Variants in ATF1 observed in about 807,000 individuals in gnomAD.
ATF1 encodes the protein cyclic AMP-dependent transcription factor ATF-1.
In ATF1, 16 loss-of-function variants were observed where a neutral mutation model predicts 34.7. The ratio of observed to expected loss-of-function variants is 0.46; its 90% CI spans 0.31 to 0.70. The LOEUF is 0.70. Ranked by LOEUF, ATF1 falls within the 30% of genes least tolerant of loss-of-function variation. The pLI, the probability that ATF1 is intolerant of heterozygous loss-of-function variation, is 0.05. For synonymous variants in ATF1, 105 were observed against 113.1 expected, an observed-to-expected ratio of 0.93 and a Z score of 0.46; for missense variants, 255 against 321.6, an observed-to-expected ratio of 0.79 and a Z score of 1.58.
chr12:50,794,103 A>G (rs1260126829), intron 2 of ATF1, among the ~76,000 whole-genome samples: 1 of 151,502 alleles, frequency 6.6e-6, no homozygotes, highest in Admixed American at 6.6e-5. Context: ...GGCGCCTACC[A>G]CCAGGCCCGG....
intron 2 of ATF1, among the ~76,000 whole-genome samples, chr12:50,787,552 G>C (rs1460649211): frequency 2.6e-5 from 4 of 151,882 alleles, no homozygotes; most frequent in Admixed American, 2.6e-4. Context: ...GGGCAACATG[G>C]CAAGCCTCCA....
chr12:50,776,943 A>G (rs976021360), intron 1 of ATF1, among the ~76,000 whole-genome samples: 2 of 152,070 alleles, frequency 1.3e-5, no homozygotes, highest in Non-Finnish European at 2.9e-5. Flanking sequence ...GTTTACTGCA[A>G]CCTCTGCCTC....
At chr12:50,798,127 T>A (rs1201645967) in intron 3 of ATF1, among the ~76,000 whole-genome samples, 2 of 151,206 alleles carry the variant, frequency 1.3e-5, no homozygotes, top group East Asian at 4.0e-4. Context: ...CCAGCCTGGG[T>A]GACAGAGTGA....
intron 2 of ATF1, among the ~76,000 whole-genome samples, chr12:50,781,219 CCTG>C (rs1436595420): frequency 3.9e-5 from 6 of 152,078 alleles, no homozygotes; most frequent in African/African-American, 1.4e-4. Context: ...TACATATTTT[CCTG>C]TATACTTTAA....
chr12:50,802,149 C>T (rs1487310190), intron 3 of ATF1, among the ~76,000 whole-genome samples: 2 of 152,138 alleles, frequency 1.3e-5, no homozygotes, highest in African/African-American at 2.4e-5. Context: ...ATTCTATTTA[C>T]AATAACAAAG....
intron 2 of ATF1, among the ~76,000 whole-genome samples, chr12:50,791,329 G>A (rs1941296616): frequency 6.6e-6 from 1 of 152,208 alleles, no homozygotes; most frequent in Non-Finnish European, 1.5e-5. Context: ...GCGGAGGTGG[G>A]CGGATCACCT....
chr12:50,771,476 C>T (rs1940768194), intron 1 of ATF1, among the ~76,000 whole-genome samples: 2 of 151,998 alleles, frequency 1.3e-5, no homozygotes, highest in Non-Finnish European at 2.9e-5. Context: ...TCCTTTTTAC[C>T]CTGAATGCAA....
chr12:50,763,990 G>C (rs1299841736), upstream of ATF1: 1 of 152,396 alleles, frequency 6.6e-6, no homozygotes, highest in Non-Finnish European at 1.5e-5. Context: ...ACGGCGGCCC[G>C]CGCGGAGGCA....
chr12:50,798,551 T>G (rs996235339), intron 3 of ATF1, among the ~76,000 whole-genome samples: 6 of 152,104 alleles, frequency 3.9e-5, no homozygotes, highest in African/African-American at 1.4e-4. Context: ...CCTCGTGATC[T>G]GCCCACCTTG....
chr12:50,782,687 CTTTTT>C (rs71086480), intron 2 of ATF1, among the ~76,000 whole-genome samples: 2 of 102,528 alleles, frequency 2.0e-5, no homozygotes, highest in East Asian at 5.4e-4. Flanking sequence ...TGTGGCCAGC[CTTTTT>C]TTTTTTTTTT....
chr12:50,789,455 G>C (rs908436457), intron 2 of ATF1, among the ~76,000 whole-genome samples: 1 of 152,100 alleles, frequency 6.6e-6, no homozygotes, highest in Non-Finnish European at 1.5e-5. Flanking sequence ...AAGTGAACCA[G>C]TGGACAGAGA....
chr12:50,765,980 CATA>C (rs769368687), intron 1 of ATF1, among the ~76,000 whole-genome samples: 2 of 152,306 alleles, frequency 1.3e-5, no homozygotes, highest in Admixed American at 6.5e-5. Flanking sequence ...TTACTTTCTT[CATA>C]ATGTTACTTT....
rs1941941611 is a variant in ATF1 at position 50,821,148 on chromosome 12, G to A, written c.*1369G>A. ...TACTGAATGTAAAATATAATGCTTGGTATATGAATGATAAGCTTGCTCCTG... is the reference window on the plus strand; with the variant it reads ...TACTGAATGTAAAATATAATGCTTGATATATGAATGATAAGCTTGCTCCTG... On this transcript the variant is annotated 3_prime_UTR_variant, in exon 7 of 7. Coordinates refer to ENST00000262053, the MANE Select transcript of ATF1 (RefSeq NM_005171.5). The A allele has an allele frequency of 5.7e-6, 1 of 174,452 alleles. No individual in the cohort carries two copies. Among genetic ancestry groups the A allele is most frequent in the Admixed American group, 6.4e-5 (1 of 15,744 alleles). 10.8% of individuals were successfully genotyped at this position (174,452 alleles called of 1,614,324 possible).
At chr12:50,814,230 C>G (rs1941795580) in intron 5 of ATF1, 38 bp downstream of exon 5, 1 of 1,613,210 alleles carries the variant, frequency 6.2e-7, no homozygotes, top group African/African-American at 1.3e-5. Flanking sequence ...TCTCCTAACA[C>G]TGTCAGAGAC....
upstream of ATF1, among the ~76,000 whole-genome samples, chr12:50,763,559 G>T (rs1940541993): frequency 7.0e-6 from 1 of 143,858 alleles, no homozygotes; most frequent in African/African-American, 2.6e-5. Flanking sequence ...AGGCTGCAGT[G>T]AGTCGAGATC....
intron 3 of ATF1, among the ~76,000 whole-genome samples, chr12:50,804,693 C>T (rs538154842): frequency 6.6e-6 from 1 of 152,214 alleles, no homozygotes; most frequent in Non-Finnish European, 1.5e-5. Flanking sequence ...AACAGGTCCA[C>T]AGTTGCAGTT....
rs1408202784 is a variant in ATF1, at chr12:50,780,213, C to A, written c.68C>A (p.Ala23Asp). 1 of 1,613,210 alleles carries A rather than the reference C, an allele frequency of 6.2e-7. No individual in the cohort carries two copies. Among genetic ancestry groups the A allele is most frequent in the Non-Finnish European group, 8.5e-7 (1 of 1,179,352 alleles). ...APQPGSAVQGAHISHIAQQVS... is the reference protein window; with the variant it reads ...APQPGSAVQGDHISHIAQQVS... Reference sequence around the variant, plus strand: ...CAACCTGGTTCAGCAGTTCAGGGAGCTCACATTTCTCATATTGCTCAACAG... The same window carrying A: ...CAACCTGGTTCAGCAGTTCAGGGAGATCACATTTCTCATATTGCTCAACAG... The change falls in exon 2 of 7, where the codon GCT (alanine) becomes GAT (aspartate). Residue 23 changes from alanine (A) to aspartate (D), a missense_variant. Ala to Asp is a moderately radical substitution (Grantham distance 126). Around this residue, in one of 2 missense-constraint regions of ATF1, gnomAD observed 221 missense variants for 250.7 expected, o/e 0.88. Coordinates refer to ENST00000262053, the MANE Select transcript of ATF1 (RefSeq NM_005171.5).
chr12:50,764,520 G>A (rs1460699111), intron 1 of ATF1: 3 of 152,240 alleles, frequency 2.0e-5, no homozygotes, highest in African/African-American at 7.2e-5. Context: ...CCTTCCAGTC[G>A]TGCGTCTCCT....
At chr12:50,770,840 G>A (rs925176712) in intron 1 of ATF1, among the ~76,000 whole-genome samples, 4 of 152,306 alleles carry the variant, frequency 2.6e-5, no homozygotes, top group African/African-American at 4.8e-5. Flanking sequence ...GAAGAAATAA[G>A]AGGGATGGGT....
Sources: allele counts gnomAD v4.1 joint callset (sites outside exome capture counted in the v4.1 genomes callset), GRCh38; gene constraint gnomAD v4.1.1; regional missense constraint gnomAD v4.1.1; transcripts MANE v1.5; gene names NCBI Gene and HGNC (gene_info 2026-07-23, HGNC 2026-07-21).